Variants in RGS5 observed in about 807,000 individuals in gnomAD.
RGS5 encodes regulator of G-protein signalling 5.
Under a neutral mutation model 18.9 loss-of-function variants are expected in RGS5, and 20 were observed. That is an observed-to-expected ratio of 1.06 (90% CI 0.74 to 1.54). The LOEUF (loss-of-function observed/expected upper bound fraction) is 1.54. RGS5 is among the 40% of genes most tolerant of loss of function. The pLI is 0.00. For missense variants in RGS5, 201 were observed against 211.8 expected, an observed-to-expected ratio of 0.95 and a Z score of 0.32; for synonymous variants, 57 against 76.2, an observed-to-expected ratio of 0.75 and a Z score of 1.31.
chr1:163,142,550 A>AT lies in RGS5; in HGVS notation c.*4791dup. The AT allele has an allele frequency of 7.2e-6, 1 of 139,218 alleles. No individual in the cohort carries two copies. 8.6% of individuals were successfully genotyped at this position (139,218 alleles called of 1,614,324 possible). On this transcript the variant is annotated 3_prime_UTR_variant, in exon 5 of 5. Coordinates refer to ENST00000313961, the MANE Select transcript of RGS5 (RefSeq NM_003617.4). ...CCGAAGATGAGTTGCTAGTTGCAAC[A>AT]TTAAAAAAAAATAGCTCCTTCAAAT...
In RGS5 at chr1:163,277,487, T is replaced by C. The variant is rs1336677042; in HGVS notation, c.-281+28746A>G. 2.0e-5 allele frequency among the ~76,000 whole-genome samples: 3 copies of C among 152,202 alleles called. No individual in the cohort carries two copies. The East Asian group carries it at 5.8e-4, about 29-fold the overall frequency. On this transcript the variant is annotated intron_variant, in intron 2 of 5. Transcript: ENST00000618415. ...TAAACCCCTGGCTCATCCTTTAAAATGTAGGACATACAGGGGATTAAGGCC... is the reference window on the plus strand; with the variant it reads ...TAAACCCCTGGCTCATCCTTTAAAACGTAGGACATACAGGGGATTAAGGCC...
At chr1:163,239,002 C>A in intron 2 of RGS5, 1 of 218,744 alleles carries the variant, frequency 4.6e-6, no homozygotes, top group Non-Finnish European at 1.1e-5. Context: ...TTCCAGGGAA[C>A]ATGATGCAAC....
upstream of RGS5, among the ~76,000 whole-genome samples, chr1:163,220,193 T>G (rs1029025792): frequency 2.0e-5 from 3 of 152,230 alleles, no homozygotes; most frequent in African/African-American, 7.2e-5. Context: ...ATTGACCATT[T>G]AAATATTCTT....
chr1:163,203,985 T>C (rs189837274), upstream of RGS5, among the ~76,000 whole-genome samples: 11 of 152,248 alleles, frequency 7.2e-5, no homozygotes, highest in East Asian at 2.1e-3. Context: ...AGCTCTGAAT[T>C]TGGAATTGAA....
chr1:163,151,359 G>A (rs1033405616), intron 4 of RGS5, among the ~76,000 whole-genome samples: 5 of 151,996 alleles, frequency 3.3e-5, no homozygotes, highest in African/African-American at 1.2e-4. Context: ...AAAAAAGAGA[G>A]GTGTTTAAAG....
At chr1:163,314,773 G>A (rs1313361279) in intron 1 of RGS5, among the ~76,000 whole-genome samples, 1 of 152,108 alleles carries the variant, frequency 6.6e-6, no homozygotes. Flanking sequence ...AATGGGACTA[G>A]TGCCCTTAAA....
At chr1:163,226,153 C>T (rs1483278022) in intron 2 of RGS5, among the ~76,000 whole-genome samples, 2 of 150,580 alleles carry the variant, frequency 1.3e-5, no homozygotes, top group Non-Finnish European at 3.0e-5. Flanking sequence ...CTCCCAACCT[C>T]AGGTGATCCG....
chr1:163,279,040 T>C (rs901739783), intron 2 of RGS5, among the ~76,000 whole-genome samples: 2 of 152,140 alleles, frequency 1.3e-5, no homozygotes, highest in African/African-American at 4.8e-5. Context: ...TTATTCGAGC[T>C]AAAGACAGAG....
At chr1:163,261,385 C>T (rs1160426760) in intron 2 of RGS5, among the ~76,000 whole-genome samples, 7 of 152,164 alleles carry the variant, frequency 4.6e-5, no homozygotes, top group Non-Finnish European at 8.8e-5. Flanking sequence ...CTAAAGACTG[C>T]CTTTTGTCCT....
At chr1:163,233,699 G>A (rs1422268362) in intron 2 of RGS5, among the ~76,000 whole-genome samples, 1 of 152,168 alleles carries the variant, frequency 6.6e-6, no homozygotes, top group Non-Finnish European at 1.5e-5. Flanking sequence ...ATTTTTGCAG[G>A]CAGGGGGTGG....
chr1:163,160,938 C>T (rs908856138), intron 3 of RGS5, among the ~76,000 whole-genome samples: 5 of 152,090 alleles, frequency 3.3e-5, no homozygotes, highest in African/African-American at 4.8e-5. Flanking sequence ...AATTCTTGCC[C>T]GTTTGTGAGT....
chr1:163,307,869 A>G (rs1187508268), intron 1 of RGS5, among the ~76,000 whole-genome samples: 1 of 152,224 alleles, frequency 6.6e-6, no homozygotes, highest in Non-Finnish European at 1.5e-5. Context: ...ATTTTATAGA[A>G]GAATAAACTG....
At chr1:163,263,257 C>T (rs1480684280) in intron 2 of RGS5, among the ~76,000 whole-genome samples, 5 of 152,178 alleles carry the variant, frequency 3.3e-5, no homozygotes, top group Non-Finnish European at 7.4e-5. Flanking sequence ...AGGCATTTCC[C>T]TAAGAGAGGA....
At chr1:163,161,728 C>T in intron 3 of RGS5, 187 bp downstream of exon 3, 1 of 527,708 alleles carries the variant, frequency 1.9e-6, no homozygotes, top group Non-Finnish European at 3.4e-6. Context: ...CTCATAGTGC[C>T]ACAGACCCTC....
chr1:163,154,124 T>C (rs1657491764), intron 3 of RGS5, among the ~76,000 whole-genome samples: 1 of 152,210 alleles, frequency 6.6e-6, no homozygotes, highest in Non-Finnish European at 1.5e-5. Context: ...TTAGGGATCA[T>C]ATTTACGTTC....
intron 2 of RGS5, among the ~76,000 whole-genome samples, chr1:163,224,965 C>T (rs1647302106): frequency 6.6e-6 from 1 of 151,920 alleles, no homozygotes; most frequent in Non-Finnish European, 1.5e-5. Flanking sequence ...ATATTTTCTC[C>T]CATTCTATAG....
intron 2 of RGS5, among the ~76,000 whole-genome samples, chr1:163,270,544 A>G (rs1261866394): frequency 6.6e-6 from 1 of 152,014 alleles, no homozygotes; most frequent in Non-Finnish European, 1.5e-5. Context: ...AAAATAAAAA[A>G]GAGTACACAC....
intron 4 of RGS5, among the ~76,000 whole-genome samples, chr1:163,151,105 G>C (rs1262081991): frequency 6.6e-6 from 1 of 152,154 alleles, no homozygotes; most frequent in Non-Finnish European, 1.5e-5. Flanking sequence ...TTCCACAATA[G>C]GCTTTCAATG....
At chr1:163,176,386 G>C (rs1320674817) in intron 1 of RGS5, among the ~76,000 whole-genome samples, 2 of 152,142 alleles carry the variant, frequency 1.3e-5, no homozygotes, top group African/African-American at 4.8e-5. Context: ...CTTTGGGAGG[G>C]CAAGGCGGGC....
Sources: allele counts gnomAD v4.1 joint callset (sites outside exome capture counted in the v4.1 genomes callset), GRCh38; gene constraint gnomAD v4.1.1; transcripts MANE v1.5; gene names NCBI Gene and HGNC (gene_info 2026-07-23, HGNC 2026-07-21).